ROR1: variants seen among roughly 807,000 people sequenced by gnomAD.
ROR1 encodes the protein inactive tyrosine-protein kinase transmembrane receptor ROR1.
A neutral mutation model predicts 78.8 loss-of-function variants in ROR1; 19 were observed. That is an observed-to-expected ratio of 0.24 (90% confidence interval 0.17 to 0.35). The LOEUF is 0.35. ROR1 is among the 10% of genes least tolerant of loss of function. The probability of loss-of-function intolerance (pLI) is 1.00; values close to 1 mark genes in which losing one functional copy is unlikely to be tolerated. For missense variants in ROR1, 917 were observed against 1,177.8 expected, an observed-to-expected ratio of 0.78 and a Z score of 3.24; for synonymous variants, 386 against 433.6, an observed-to-expected ratio of 0.89 and a Z score of 1.36.
intron 1 of ROR1, among the ~76,000 whole-genome samples, chr1:63,888,043 G>T (rs1441660265): frequency 2.0e-5 from 3 of 152,140 alleles, no homozygotes; most frequent in Non-Finnish European, 4.4e-5. Flanking sequence ...GAGCCTTTGT[G>T]TCCAGGGCTT....
chr1:63,902,849 A>AC (rs1207175485), intron 1 of ROR1, among the ~76,000 whole-genome samples: 6 of 152,108 alleles, frequency 3.9e-5, no homozygotes, highest in Non-Finnish European at 7.4e-5. Flanking sequence ...GGACCCAGAC[A>AC]CCTTTTCTGT....
chr1:63,940,961 G>A (rs745348870), intron 1 of ROR1, among the ~76,000 whole-genome samples: 2 of 152,114 alleles, frequency 1.3e-5, no homozygotes, highest in South Asian at 2.1e-4. Context: ...TGCGTAACCC[G>A]AATTTAATCA....
At chr1:64,078,787 C>T (rs1228219309) in intron 4 of ROR1, among the ~76,000 whole-genome samples, 3 of 152,098 alleles carry the variant, frequency 2.0e-5, no homozygotes, top group African/African-American at 4.8e-5. Context: ...ACCTGCATGA[C>T]GCCTGATGTC....
intron 1 of ROR1, among the ~76,000 whole-genome samples, chr1:63,935,465 G>T (rs916366275): frequency 6.6e-6 from 1 of 152,126 alleles, no homozygotes; most frequent in African/African-American, 2.4e-5. Context: ...GCCTAGGTGT[G>T]CTGAACTAAG....
At chr1:64,012,929 G>C (rs928664873) in intron 2 of ROR1, among the ~76,000 whole-genome samples, 6 of 152,186 alleles carry the variant, frequency 3.9e-5, no homozygotes, top group Non-Finnish European at 8.8e-5. Flanking sequence ...AGTGATCTGG[G>C]AGACAGATTT....
At chr1:63,970,075 G>A (rs554152228) in intron 1 of ROR1, among the ~76,000 whole-genome samples, 8 of 151,954 alleles carry the variant, frequency 5.3e-5, no homozygotes, top group South Asian at 4.2e-4. Context: ...TCTCCCTTGC[G>A]TCTTCCTCCC....
chr1:64,149,455 A>T (rs1649561450), intron 7 of ROR1, among the ~76,000 whole-genome samples: 1 of 151,862 alleles, frequency 6.6e-6, no homozygotes, highest in African/African-American at 2.4e-5. Context: ...TGATATTCTT[A>T]TTTGCAGCTC....
chr1:64,051,573 T>A (rs1285311344), intron 4 of ROR1, among the ~76,000 whole-genome samples: 1 of 152,132 alleles, frequency 6.6e-6, no homozygotes, highest in Non-Finnish European at 1.5e-5. Flanking sequence ...GAAGTTTGAT[T>A]CATTTTGAGT....
chr1:64,016,581 T>C (rs1646522071), intron 2 of ROR1, among the ~76,000 whole-genome samples: 1 of 152,032 alleles, frequency 6.6e-6, no homozygotes, highest in East Asian at 1.9e-4. Context: ...ATGTAACCTG[T>C]TTCCTCCTTG....
At chr1:64,041,865 A>G (rs1646748516) in intron 2 of ROR1, among the ~76,000 whole-genome samples, 1 of 152,150 alleles carries the variant, frequency 6.6e-6, no homozygotes, top group Non-Finnish European at 1.5e-5. Flanking sequence ...ATTCACCCAG[A>G]AAATGTTTAT....
At chr1:63,989,186 A>T (rs1257887576) in intron 1 of ROR1, among the ~76,000 whole-genome samples, 4 of 132,156 alleles carry the variant, frequency 3.0e-5, no homozygotes, top group African/African-American at 3.5e-5. Context: ...TTTTTTTTAA[A>T]CTCTTTAGCG....
chr1:64,133,538 G>A (rs1648995454), intron 4 of ROR1, among the ~76,000 whole-genome samples: 1 of 152,180 alleles, frequency 6.6e-6, no homozygotes, highest in Non-Finnish European at 1.5e-5. Flanking sequence ...CAATCCCATG[G>A]CAGAGAATAT....
chr1:63,937,757 G>A (rs1645805021), intron 1 of ROR1, among the ~76,000 whole-genome samples: 1 of 152,234 alleles, frequency 6.6e-6, no homozygotes, highest in African/African-American at 2.4e-5. Context: ...CATAGAGGAA[G>A]TTAATATTTC....
intron 2 of ROR1, among the ~76,000 whole-genome samples, chr1:64,028,715 G>A (rs1646636142): frequency 6.6e-6 from 1 of 152,168 alleles, no homozygotes; most frequent in Admixed American, 6.5e-5. Flanking sequence ...TTTGGTACAG[G>A]TGTGCAATGC....
Position 63,998,770 on chromosome 1 carries a change from G to A in ROR1, c.92-10535G>A, listed in dbSNP as rs549597452. ...TCTGATTGAAGAATCAATTTAGGAG[G>A]TTGATATGGTTTAGCTCTGTGTCCC... On this transcript the variant is annotated intron_variant, in intron 1 of 8. Transcript: ENST00000371079. 8.5e-5 allele frequency among the ~76,000 whole-genome samples: 13 copies of A among 152,246 alleles called. No homozygotes were observed. In the Middle Eastern group the frequency reaches 0.017, roughly 199 times the overall value.
intron 7 of ROR1, among the ~76,000 whole-genome samples, chr1:64,145,604 A>T (rs960798444): frequency 1.3e-5 from 2 of 152,184 alleles, no homozygotes; most frequent in African/African-American, 4.8e-5. Flanking sequence ...TTCAAGGAAA[A>T]TTATTCTGTA....
intron 2 of ROR1, among the ~76,000 whole-genome samples, chr1:64,017,176 G>C (rs1557610905): frequency 6.6e-6 from 1 of 152,048 alleles, no homozygotes; most frequent in Non-Finnish European, 1.5e-5. Context: ...AAAGTGCTGG[G>C]ATTACAAGCA....
At chr1:64,061,583 A>C (rs1646917445) in intron 4 of ROR1, among the ~76,000 whole-genome samples, 1 of 152,170 alleles carries the variant, frequency 6.6e-6, no homozygotes, top group African/African-American at 2.4e-5. Context: ...TGGGCCTGGG[A>C]CTGCATTTCT....
chr1:63,839,345 CATCTATCTATCTATCTATCTATCT>C (rs36224861), intron 1 of ROR1, among the ~76,000 whole-genome samples: 88 of 147,178 alleles, frequency 6.0e-4, no homozygotes, highest in African/African-American at 1.8e-3. Context: ...GTCTCCATAT[CATCTATCTATCTATCTATCTATCT>C]ATCTATCTAT....
Sources: gnomAD v4.1 joint callset for allele counts (sites outside exome capture counted in the v4.1 genomes callset) on GRCh38, gnomAD v4.1.1 for gene constraint, MANE v1.5 for transcripts, NCBI Gene and HGNC (gene_info 2026-07-23, HGNC 2026-07-21) for gene names.